CTDSPL: variants seen among roughly 807,000 people sequenced by gnomAD.
The protein encoded by CTDSPL is CTD small phosphatase-like protein.
CTDSPL carries 8 observed loss-of-function variants against 30.5 expected under a neutral mutation model. That is an observed-to-expected ratio of 0.26 (90% confidence interval 0.15 to 0.47). CTDSPL has a LOEUF of 0.47. Ranked by LOEUF, CTDSPL falls within the 20% of genes least tolerant of loss-of-function variation. The pLI is 0.99. For synonymous variants in CTDSPL, 110 were observed against 137.9 expected (o/e 0.80, Z 1.42); for missense variants, 248 against 366.1 (o/e 0.68, Z 2.63).
rs375264235 is a variant in CTDSPL, at chr3:37,981,129, G to GAA, written c.*278_*279dup. The GAA allele has an allele frequency of 1.3e-4, 11 of 83,864 alleles. No individual in the cohort carries two copies. Among genetic ancestry groups the GAA allele is most frequent in the South Asian group, 7.4e-4 (2 of 2,700 alleles). The allele number at this position is 83,864 out of a possible 1,614,324, so 5.2% of individuals were successfully genotyped here. On this transcript the variant is annotated 3_prime_UTR_variant, in exon 8 of 8. Coordinates refer to ENST00000273179, the MANE Select transcript of CTDSPL (RefSeq NM_001008392.2). ...AAACATACCAAAAAAGAAAAAAATA[G>GAA]AAAAAAAAAAAAAAAAAGCTTGATC...
chr3:37,908,180 G>A (rs555316536), intron 1 of CTDSPL, among the ~76,000 whole-genome samples: 5 of 152,290 alleles, frequency 3.3e-5, no homozygotes, highest in African/African-American at 9.6e-5. Context: ...GCTGTGAGCC[G>A]CCCTTCAGGC....
At chr3:37,875,019 T>G (rs1157763895) in intron 1 of CTDSPL, among the ~76,000 whole-genome samples, 2 of 152,246 alleles carry the variant, frequency 1.3e-5, no homozygotes, top group Admixed American at 1.3e-4. Flanking sequence ...CTTTAATTTC[T>G]TAACATATAT....
chr3:37,983,932 T>C lies in CTDSPL; in HGVS notation c.*3065T>C, dbSNP rs1699523818. The C allele has an allele frequency of 4.5e-6, 1 of 220,184 alleles. No individual in the cohort carries two copies. The highest frequency in any genetic ancestry group is 6.5e-5 in the South Asian group (1 of 15,278). 13.6% of individuals were successfully genotyped at this position (220,184 alleles called of 1,614,324 possible). ...AGGATGCCCTAATGATGCTGACTTG[T>C]CATGGTTGCAGCATTTGAACTTTTG... is the stretch of plus-strand genomic sequence containing the variant. On this transcript the variant is annotated 3_prime_UTR_variant, in exon 8 of 8. Transcript: ENST00000273179.
chr3:37,941,794 A>G (rs1225274129), intron 1 of CTDSPL, among the ~76,000 whole-genome samples: 1 of 150,342 alleles, frequency 6.7e-6, no homozygotes, highest in African/African-American at 2.4e-5. Context: ...GTTGTAGCCT[A>G]TTGGGGGACC....
chr3:37,888,065 G>T, intron 1 of CTDSPL, among the ~76,000 whole-genome samples: 1 of 152,178 alleles, frequency 6.6e-6, no homozygotes, highest in South Asian at 2.1e-4. Context: ...TGGAGTGAAG[G>T]CTGTGCGAGA....
In CTDSPL at chr3:37,862,357, C is replaced by T; in HGVS notation, c.79+79C>T. The T allele has an allele frequency of 1.6e-6, 2 of 1,273,644 alleles. No homozygotes were observed. Among genetic ancestry groups the T allele is most frequent in the South Asian group, 1.7e-5 (1 of 59,582 alleles). The allele number at this position is 1,273,644 out of a possible 1,614,324, so 78.9% of individuals were successfully genotyped here. A position where few individuals can be genotyped will look rare whatever the true frequency, so the allele number is the denominator to read the frequency against. On this transcript the variant is annotated intron_variant, in intron 1 of 7. Transcript: ENST00000273179. The surrounding 1 kb of genome is among the most constrained non-coding windows in gnomAD (Gnocchi z 4.3). ...GCTGGAGTTCACTGCCGGGCGCCGG[C>T]ATGGGCCTGGGGGAGGGGTGCACAG...
intron 1 of CTDSPL, among the ~76,000 whole-genome samples, chr3:37,940,955 A>C (rs1698970988): frequency 6.6e-6 from 1 of 150,388 alleles, no homozygotes; most frequent in Non-Finnish European, 1.5e-5. Flanking sequence ...AGAGGAAGGC[A>C]GTTGTCTATA....
At chr3:37,873,527 C>T (rs758687658) in intron 1 of CTDSPL, among the ~76,000 whole-genome samples, 4 of 152,170 alleles carry the variant, frequency 2.6e-5, no homozygotes, top group African/African-American at 9.7e-5. Context: ...TTCTTTCCAT[C>T]TTTCACAGTC....
At chr3:37,948,151 G>A (rs1188545815) in intron 2 of CTDSPL, among the ~76,000 whole-genome samples, 1 of 152,184 alleles carries the variant, frequency 6.6e-6, no homozygotes, top group East Asian at 1.9e-4. Context: ...AGGCATGGTG[G>A]TGGGCACCTG....
chr3:37,949,195 G>A (rs1699080541), intron 2 of CTDSPL, among the ~76,000 whole-genome samples: 1 of 152,186 alleles, frequency 6.6e-6, no homozygotes, highest in African/African-American at 2.4e-5. Flanking sequence ...TAGGAGGGAG[G>A]ATAGAGAATG....
At chr3:37,965,238 T>C (rs917635040) in intron 4 of CTDSPL, among the ~76,000 whole-genome samples, 1 of 152,144 alleles carries the variant, frequency 6.6e-6, no homozygotes, top group Non-Finnish European at 1.5e-5. Context: ...GCTAAATGAG[T>C]ACCCACCTTC....
intron 1 of CTDSPL, among the ~76,000 whole-genome samples, chr3:37,914,913 A>ACT (rs1372705281): frequency 9.0e-6 from 1 of 111,522 alleles, no homozygotes; most frequent in Non-Finnish European, 1.7e-5. Context: ...AAAGGGTCTC[A>ACT]CTCTGTTGCT....
intron 1 of CTDSPL, among the ~76,000 whole-genome samples, chr3:37,881,226 A>G (rs1428334676): frequency 6.6e-6 from 1 of 152,034 alleles, no homozygotes; most frequent in Non-Finnish European, 1.5e-5. Context: ...TTTAGAAGAG[A>G]TCATATAAAT....
intron 1 of CTDSPL, among the ~76,000 whole-genome samples, chr3:37,893,260 A>G (rs915498277): frequency 1.3e-5 from 2 of 152,230 alleles, no homozygotes; most frequent in African/African-American, 4.8e-5. Context: ...TTCTAGGTTT[A>G]AGGAAGGCCA....
rs573560285 is a variant in CTDSPL at position 37,862,428 on chromosome 3, G to C, written c.79+150G>C. ...GTGGGGTGCGCCCGGAGGAGAGCGAGGCTGCCAGAGTGCGTGTGCCGACTG... is the reference window on the plus strand; with the variant it reads ...GTGGGGTGCGCCCGGAGGAGAGCGACGCTGCCAGAGTGCGTGTGCCGACTG... On this transcript the variant is annotated intron_variant, in intron 1 of 7. Coordinates refer to ENST00000273179, the MANE Select transcript of CTDSPL (RefSeq NM_001008392.2). This position sits in a 1 kb window ranked among gnomAD's most constrained non-coding sequence, Gnocchi z 4.3. The C allele has an allele frequency of 3.7e-6, 2 of 542,710 alleles. No homozygotes were observed. 33.6% of individuals were successfully genotyped at this position (542,710 alleles called of 1,614,324 possible). A position where few individuals can be genotyped will look rare whatever the true frequency, so the allele number is the denominator to read the frequency against.
intron 1 of CTDSPL, among the ~76,000 whole-genome samples, chr3:37,871,631 C>T (rs1198300068): frequency 1.3e-5 from 2 of 152,102 alleles, no homozygotes. Context: ...GTTTGCAGTT[C>T]ATTCTGCTTC....
intron 2 of CTDSPL, among the ~76,000 whole-genome samples, chr3:37,956,299 G>T (rs1256263142): frequency 6.6e-6 from 1 of 152,184 alleles, no homozygotes; most frequent in African/African-American, 2.4e-5. Context: ...AATAAAAATG[G>T]ACACATCTTT....
chr3:37,895,148 T>C (rs1698376323), intron 1 of CTDSPL, among the ~76,000 whole-genome samples: 1 of 152,214 alleles, frequency 6.6e-6, no homozygotes, highest in Non-Finnish European at 1.5e-5. Flanking sequence ...GTGGAGACTC[T>C]GGATTCTATT....
intron 2 of CTDSPL, among the ~76,000 whole-genome samples, chr3:37,948,239 A>T (rs1392590809): frequency 6.6e-6 from 1 of 152,104 alleles, no homozygotes; most frequent in Non-Finnish European, 1.5e-5. Flanking sequence ...AGCCAAGATC[A>T]CGCCACTGCA....
Sources: gnomAD v4.1 joint callset for allele counts (sites outside exome capture counted in the v4.1 genomes callset) on GRCh38, gnomAD v4.1.1 for gene constraint, Gnocchi (gnomAD v3.1) non-coding constraint, MANE v1.5 for transcripts, NCBI Gene and HGNC (gene_info 2026-07-23, HGNC 2026-07-21) for gene names.